LGSN: variants seen among roughly 807,000 people sequenced by gnomAD.
LGSN encodes the protein lengsin.
LGSN carries 21 observed loss-of-function variants against 19.5 expected under a neutral mutation model. The observed-to-expected ratio is 1.07, with a 90% CI of 0.76 to 1.55. The LOEUF is 1.55. LGSN is among the 40% of genes most tolerant of loss of function. The pLI is 0.00. For missense variants in LGSN, 673 were observed against 608.5 expected (o/e 1.11, Z -1.12); for synonymous variants, 257 against 215.6 (o/e 1.19, Z -1.68).
the LGSN span, among the ~76,000 whole-genome samples, chr6:63,442,336 C>T: frequency 6.6e-6 from 1 of 152,192 alleles, no homozygotes; most frequent in East Asian, 1.9e-4. Context: ...AAAAGGGGAC[C>T]TGACCGGGTT....
the LGSN span, among the ~76,000 whole-genome samples, chr6:63,357,936 G>C: frequency 6.6e-6 from 1 of 152,024 alleles, no homozygotes; most frequent in East Asian, 1.9e-4. Flanking sequence ...GTAATGCCTA[G>C]GTTTTCTTCT....
the LGSN span, among the ~76,000 whole-genome samples, chr6:63,466,802 G>T: frequency 6.6e-6 from 1 of 152,050 alleles, no homozygotes. Flanking sequence ...TAGGAGAGAA[G>T]AATTTGGAGT....
chr6:63,392,444 C>A, the LGSN span: 2 of 152,514 alleles, frequency 1.3e-5, no homozygotes, highest in East Asian at 3.9e-4. Flanking sequence ...ATCATGTGGA[C>A]TAATCCATCC....
At chr6:63,519,621 T>C in the LGSN span, among the ~76,000 whole-genome samples, 1 of 152,164 alleles carries the variant, frequency 6.6e-6, no homozygotes. Flanking sequence ...GTGACTCAAT[T>C]ACAGCCCATT....
At chr6:63,458,367 A>G in the LGSN span, among the ~76,000 whole-genome samples, 3 of 152,196 alleles carry the variant, frequency 2.0e-5, no homozygotes. Context: ...GGGCCCGGCT[A>G]GCCTTTCATT....
the LGSN span, among the ~76,000 whole-genome samples, chr6:63,351,416 T>TGA: frequency 2.0e-5 from 3 of 148,328 alleles, no homozygotes; most frequent in African/African-American, 2.4e-5. Context: ...TCTGTGTGTG[T>TGA]GAGAGAGAGA....
chr6:63,514,857 C>A, the LGSN span, among the ~76,000 whole-genome samples: 1 of 151,984 alleles, frequency 6.6e-6, no homozygotes. Flanking sequence ...CCAGGCACCA[C>A]ACCAAGCTAA....
At position 63,316,982 on chromosome 6, in the gene LGSN, G is replaced by T. The variant is rs1182233945; in HGVS notation, c.30+2932C>A. 5.3e-5 allele frequency among the ~76,000 whole-genome samples: 8 copies of T among 152,176 alleles called. No homozygotes were observed. The East Asian group carries it at 1.5e-3, about 29-fold the overall frequency. Reference sequence around the variant, plus strand: ...TGCCTGTAACTGATTGCTAAAAATAGTTCTAGTCATTGTGCCTTAGGAAAG... The same window carrying T: ...TGCCTGTAACTGATTGCTAAAAATATTTCTAGTCATTGTGCCTTAGGAAAG... On this transcript the variant is annotated intron_variant, in intron 1 of 3. Coordinates refer to ENST00000370657, the MANE Select transcript of LGSN (RefSeq NM_016571.3).
the LGSN span, among the ~76,000 whole-genome samples, chr6:63,542,854 T>C: frequency 6.6e-6 from 1 of 152,144 alleles, no homozygotes; most frequent in South Asian, 2.1e-4. Context: ...CCTACCTGAT[T>C]CATCCAAGCC....
In LGSN at chr6:63,280,008, T is replaced by C. The variant is rs1226182300; in HGVS notation, c.*13A>G. ...ACAATTACATGTCTAAAGGAGTAGT[T>C]GTGAGCTCTATTCTAAATAAAATAC... On this transcript the variant is annotated 3_prime_UTR_variant, in exon 4 of 4. Coordinates refer to ENST00000370657, the MANE Select transcript of LGSN (RefSeq NM_016571.3). 6.4e-7 allele frequency: 1 copy of C among 1,569,898 alleles called. No homozygotes were observed. Among genetic ancestry groups the C allele is most frequent in the East Asian group, 2.2e-5 (1 of 44,656 alleles).
chr6:63,398,674 A>C, the LGSN span, among the ~76,000 whole-genome samples: 1 of 152,172 alleles, frequency 6.6e-6, no homozygotes, highest in East Asian at 1.9e-4. Context: ...AAATAAATTT[A>C]GTATAGCCTA....
At chr6:63,513,833 C>T in the LGSN span, among the ~76,000 whole-genome samples, 3,980 of 148,712 alleles carry the variant, frequency 0.027, 77 homozygotes, top group Non-Finnish European at 0.036. Flanking sequence ...ATTGCTTAAA[C>T]CTAGGAGGCA....
the LGSN span, chr6:63,548,980 T>C: frequency 2.7e-6 from 2 of 738,398 alleles, no homozygotes; most frequent in East Asian, 2.5e-5. Flanking sequence ...GGGACCCGCA[T>C]TTTATGACAC....
chr6:63,307,751 G>A (rs1768453286), intron 1 of LGSN, among the ~76,000 whole-genome samples: 1 of 152,170 alleles, frequency 6.6e-6, no homozygotes, highest in South Asian at 2.1e-4. Flanking sequence ...GATTTCTGGT[G>A]GAAAGATAAC....
the LGSN span, among the ~76,000 whole-genome samples, chr6:63,501,964 T>C: frequency 6.6e-6 from 1 of 152,188 alleles, no homozygotes; most frequent in Admixed American, 6.5e-5. Flanking sequence ...TCCAGCTATT[T>C]TCTTTTCAGT....
the LGSN span, among the ~76,000 whole-genome samples, chr6:63,348,251 C>T: frequency 2.0e-5 from 3 of 152,012 alleles, no homozygotes; most frequent in Admixed American, 6.6e-5. Context: ...GTCAGGAGTT[C>T]GAGACCAGCC....
the LGSN span, among the ~76,000 whole-genome samples, chr6:63,505,683 T>C: frequency 1.3e-5 from 2 of 151,986 alleles, 1 homozygote; most frequent in East Asian, 3.9e-4. Context: ...TGTTTTGTTT[T>C]TTGTTTCGCT....
At chr6:63,524,682 T>C in the LGSN span, among the ~76,000 whole-genome samples, 2 of 152,154 alleles carry the variant, frequency 1.3e-5, no homozygotes, top group Admixed American at 1.3e-4. Flanking sequence ...AAAAGAGAAA[T>C]GCAAAGTGTT....
the LGSN span, among the ~76,000 whole-genome samples, chr6:63,352,423 G>C: frequency 6.6e-6 from 1 of 152,030 alleles, no homozygotes. Flanking sequence ...CAGCACTTTG[G>C]GAGGCTGAGG....
Sources: allele counts gnomAD v4.1 joint callset (sites outside exome capture counted in the v4.1 genomes callset), GRCh38; gene constraint gnomAD v4.1.1; transcripts MANE v1.5; gene names NCBI Gene and HGNC (gene_info 2026-07-23, HGNC 2026-07-21).